TPRA1: variants seen among roughly 807,000 people sequenced by gnomAD.
TPRA1 encodes the protein transmembrane protein adipocyte-associated 1.
TPRA1 carries 28 observed loss-of-function variants against 40.1 expected under a neutral mutation model. That is an observed-to-expected ratio of 0.70 (90% confidence interval 0.52 to 0.96). The LOEUF is 0.96. Among genes scored for constraint, TPRA1 ranks in the 40% least tolerant of loss-of-function variants. TPRA1 has a pLI of 0.00. For synonymous variants in TPRA1, 219 were observed against 209.7 expected (o/e 1.04, Z -0.38); for missense variants, 441 against 482.6 (o/e 0.91, Z 0.81).
chr3:127,583,430 C>G (rs545076973), intron 1 of TPRA1, among the ~76,000 whole-genome samples: 1 of 151,668 alleles, frequency 6.6e-6, no homozygotes, highest in Non-Finnish European at 1.5e-5. Context: ...CCCAGGAGTT[C>G]GAGGCTGCAG....
intron 3 of TPRA1, 50 bp downstream of exon 3, chr3:127,579,690 T>G: frequency 6.3e-7 from 1 of 1,597,824 alleles, no homozygotes; most frequent in Non-Finnish European, 8.6e-7. Context: ...AATTCCCTTT[T>G]TGTTTAACCC....
chr3:127,576,956 C>A lies in TPRA1; in HGVS notation c.345+34G>T. 6.2e-7 allele frequency: 1 copy of A among 1,612,828 alleles called. No homozygotes were observed. Among genetic ancestry groups the A allele is most frequent in the East Asian group, 2.2e-5 (1 of 44,892 alleles). ...CATCCCCAGCCCACCCCAGGCCAGGCCTCCCTGGCCTCCCTCAGAGGGCCC... is the reference window on the plus strand; with the variant it reads ...CATCCCCAGCCCACCCCAGGCCAGGACTCCCTGGCCTCCCTCAGAGGGCCC... On this transcript the variant is annotated intron_variant, in intron 4 of 10. Coordinates refer to ENST00000355552, the MANE Select transcript of TPRA1 (RefSeq NM_001136053.4). The surrounding 1 kb of genome is among the most constrained non-coding windows in gnomAD (Gnocchi z 4.6).
At chr3:127,574,924 GTGTGTGCATGTGCA>G (rs1265288719) in intron 10 of TPRA1, 2 of 541,522 alleles carry the variant, frequency 3.7e-6, no homozygotes, top group Non-Finnish European at 3.3e-6. Context: ...GTGCGTGTTT[GTGTGTGCATGTGCA>G]TGTGTGCATG....
In TPRA1 at chr3:127,573,476, T is replaced by TCCTCTCTGGCCTGTC. The variant is rs1350059863; in HGVS notation, c.*44_*45insGACAGGCCAGAGAGG. 1 of 1,572,358 alleles carries TCCTCTCTGGCCTGTC rather than the reference T, an allele frequency of 6.4e-7. No individual in the cohort carries two copies. Among genetic ancestry groups the TCCTCTCTGGCCTGTC allele is most frequent in the African/African-American group, 1.3e-5 (1 of 74,300 alleles). On this transcript the variant is annotated 3_prime_UTR_variant, in exon 11 of 11. Coordinates refer to ENST00000355552, the MANE Select transcript of TPRA1 (RefSeq NM_001136053.4). ...CCTCCCCTGGGGACTCTGGGCCTGC[T>TCCTCTCTGGCCTGTC]GGCCTCCTCTCTGGCCTGTCCTCCA...
intron 10 of TPRA1, chr3:127,574,860 G>A: frequency 2.4e-6 from 1 of 417,288 alleles, no homozygotes; most frequent in South Asian, 2.3e-5. Flanking sequence ...GTGTATGCAT[G>A]CATGTGGGTG....
In TPRA1 at chr3:127,575,811, TAC is replaced by T; in HGVS notation, c.610-4_610-3del. ...AAGGATGACCACCAGAGAGTAGACC[TAC>T]AGAGACAGGCAGGGCTGAGAAGGTG... On this transcript the variant is annotated splice_region_variant and splice_polypyrimidine_tract_variant and intron_variant, in intron 7 of 10. Transcript: ENST00000355552. 2 of 1,613,838 alleles carry T rather than the reference TAC, an allele frequency of 1.2e-6. No homozygotes were observed. The highest frequency in any genetic ancestry group is 1.7e-6 in the Non-Finnish European group (2 of 1,179,992).
At chr3:127,582,111 T>C (rs2073851986) in intron 1 of TPRA1, among the ~76,000 whole-genome samples, 1 of 151,534 alleles carries the variant, frequency 6.6e-6, no homozygotes, top group African/African-American at 2.4e-5. Context: ...AAGACAGGGG[T>C]GGGGGGACTT....
Position 127,572,731 on chromosome 3 carries a change from G to A in TPRA1, c.*790C>T, listed in dbSNP as rs773194442. ...TCTCCGCATTTTACAGATGGCAATA[G>A]TAAGTCCATTCTGCGTTTTAATGGA... On this transcript the variant is annotated 3_prime_UTR_variant, in exon 11 of 11. Transcript: ENST00000355552. Among the ~76,000 whole-genome samples the A allele has an allele frequency of 6.6e-6, 1 of 152,212 alleles. No homozygotes were observed.
chr3:127,584,893 T>G (rs2073953628), intron 1 of TPRA1, among the ~76,000 whole-genome samples: 2 of 151,810 alleles, frequency 1.3e-5, no homozygotes, highest in African/African-American at 4.8e-5. Context: ...GATCATGCCC[T>G]CCTCCCTTCC....
At chr3:127,593,879 C>T (rs753817812), upstream of TPRA1, among the ~76,000 whole-genome samples, 1 of 152,206 alleles carries the variant, frequency 6.6e-6, no homozygotes, top group Non-Finnish European at 1.5e-5. Context: ...ACCATTTGCA[C>T]TCATAGGAAC....
At position 127,579,848 on chromosome 3, in the gene TPRA1, C is replaced by G; in HGVS notation, c.150G>C (p.Leu50=). The change falls in exon 3 of 11, where the codon CTG becomes CTC. Residue 50 remains leucine, a synonymous_variant. Coordinates refer to ENST00000355552, the MANE Select transcript of TPRA1 (RefSeq NM_001136053.4). The part of the protein sequence containing the change: ...TSRVRYWDLL[L]LIPNVLFLIF... ...TGAGGAAGAGCACATTGGGGATGAG[C>G]AGCAAGAGGTCCCAGTACCGGACCC... 1 of 1,613,904 alleles carries G rather than the reference C, an allele frequency of 6.2e-7. No individual in the cohort carries two copies. Among genetic ancestry groups the G allele is most frequent in the Non-Finnish European group, 8.5e-7 (1 of 1,180,018 alleles).
chr3:127,575,023 CATGTGT>C (rs1320450122), intron 10 of TPRA1, 156 bp downstream of exon 10: 8 of 724,452 alleles, frequency 1.1e-5, no homozygotes, highest in East Asian at 2.7e-5. Context: ...TGTGCATGTG[CATGTGT>C]ATCTGTATGT....
upstream of TPRA1, among the ~76,000 whole-genome samples, chr3:127,594,402 A>G (rs946115981): frequency 6.6e-6 from 1 of 152,214 alleles, no homozygotes; most frequent in African/African-American, 2.4e-5. Flanking sequence ...AGCTTACAGC[A>G]AGCTCTGGTG....
At chr3:127,597,346 C>A (rs2074254282) in intron 1 of TPRA1, among the ~76,000 whole-genome samples, 2 of 152,236 alleles carry the variant, frequency 1.3e-5, no homozygotes, top group Non-Finnish European at 1.5e-5. Context: ...TCCACTTCCA[C>A]CTGGTAGCAG....
At chr3:127,592,726 G>GAGGCCTAAAATGGCATC (rs1303274950), upstream of TPRA1, among the ~76,000 whole-genome samples, 2 of 152,242 alleles carry the variant, frequency 1.3e-5, no homozygotes, top group African/African-American at 4.8e-5. Context: ...CAGGTGGGCT[G>GAGGCCTAAAATGGCATC]AGGCCTAAAA....
rs1203833161 is a variant in TPRA1 at position 127,572,452 on chromosome 3, CA to C, written c.*1068del. Among the ~76,000 whole-genome samples the C allele has an allele frequency of 6.6e-6, 1 of 152,208 alleles. No homozygotes were observed. The highest frequency in any genetic ancestry group is 1.9e-4 in the East Asian group (1 of 5,192). Reference sequence around the variant, plus strand: ...TCAGGTACAAGGGCAGTGGCAGGGACAAGTGGGCCCCTCTCCCCTACTCATG... The same window carrying C: ...TCAGGTACAAGGGCAGTGGCAGGGACAGTGGGCCCCTCTCCCCTACTCATG... On this transcript the variant is annotated 3_prime_UTR_variant, in exon 11 of 11. Coordinates refer to ENST00000355552, the MANE Select transcript of TPRA1 (RefSeq NM_001136053.4).
chr3:127,584,856 C>G (rs879673553), intron 1 of TPRA1, among the ~76,000 whole-genome samples: 1 of 152,044 alleles, frequency 6.6e-6, no homozygotes, highest in Non-Finnish European at 1.5e-5. Context: ...ACATATGACA[C>G]GAGCAGAGTG....
rs182156163 is a variant in TPRA1, at chr3:127,583,618, T to C, written c.-17-3455A>G. ...ACATAGTAGATCCTAAGAAAGAAGA[T>C]GGCTCCTTCCCTACTGTTGGGAGGG... On this transcript the variant is annotated intron_variant, in intron 1 of 10. Transcript: ENST00000355552. 3.7e-3 allele frequency among the ~76,000 whole-genome samples: 560 copies of C among 151,484 alleles called. 3 individuals are homozygous for C. The highest frequency in any genetic ancestry group is 0.015 in the South Asian group (70 of 4,798).
chr3:127,578,988 G>GAGCCCACACCCGA (rs2073738454), intron 3 of TPRA1, among the ~76,000 whole-genome samples: 1 of 151,476 alleles, frequency 6.6e-6, no homozygotes, highest in Admixed American at 6.6e-5. Context: ...TACACCTGGA[G>GAGCCCACACCCGA]AGCCCACACC....
Sources: allele counts gnomAD v4.1 joint callset (sites outside exome capture counted in the v4.1 genomes callset), GRCh38; gene constraint gnomAD v4.1.1; non-coding constraint Gnocchi (gnomAD v3.1); transcripts MANE v1.5; gene names NCBI Gene and HGNC (gene_info 2026-07-23, HGNC 2026-07-21).